The following DNAH14 variants were observed in gnomAD, a reference collection of about 807,000 sequenced individuals.
DNAH14 encodes the protein axonemal beta dynein heavy chain 14.
DNAH14 carries 478 observed loss-of-function variants against 520.9 expected under a neutral mutation model. The observed-to-expected ratio is 0.92, with a 90% confidence interval of 0.85 to 0.99. The LOEUF is 0.99. Among genes scored for constraint, DNAH14 ranks in the 50% least tolerant of loss-of-function variants. The pLI is 0.00. For missense variants in DNAH14, 4,831 were observed against 5,234.5 expected (o/e 0.92, Z 2.38); for synonymous variants, 1,581 against 1,757.2 (o/e 0.90, Z 2.51).
At chr1:225,312,076 G>C (rs1462390622) in intron 60 of DNAH14, among the ~76,000 whole-genome samples, 1 of 152,148 alleles carries the variant, frequency 6.6e-6, no homozygotes, top group Non-Finnish European at 1.5e-5. Context: ...TCCTATCCAT[G>C]AGCATGGAAT....
At chr1:225,048,575 T>C (rs577384013) in intron 15 of DNAH14, among the ~76,000 whole-genome samples, 1 of 152,342 alleles carries the variant, frequency 6.6e-6, no homozygotes, top group South Asian at 2.1e-4. Flanking sequence ...TGCTATGCTG[T>C]ATTCAACTGT....
At chr1:225,359,085 A>G (rs1168047819) in intron 74 of DNAH14, among the ~76,000 whole-genome samples, 1 of 152,222 alleles carries the variant, frequency 6.6e-6, no homozygotes, top group African/African-American at 2.4e-5. Context: ...ATCAGCCAAG[A>G]GATATGGAGA....
In DNAH14 at chr1:225,380,349, C is replaced by A. The variant is rs184198692; in HGVS notation, c.12880+27C>A. 2.0e-6 allele frequency: 3 copies of A among 1,537,054 alleles called. No homozygotes were observed. The East Asian group carries it at 7.4e-5, about 38-fold the overall frequency. On this transcript the variant is annotated intron_variant, in intron 80 of 85. Coordinates refer to ENST00000682510, the MANE Select transcript of DNAH14 (RefSeq NM_001367479.1). ...TGAGCATGGGACAGGAGCTTTTTCCCCTTACCTCACTCTCCTCAAGAAAGG... is the reference window on the plus strand; with the variant it reads ...TGAGCATGGGACAGGAGCTTTTTCCACTTACCTCACTCTCCTCAAGAAAGG...
In DNAH14 at chr1:225,127,868, A is replaced by G. The variant is rs928405941; in HGVS notation, c.4254+4254A>G. ...GTAACAGTTGTTCCTTTCCATGTTT[A>G]GTGCTTCCTTCAGGAGCTCTTTTAG... On this transcript the variant is annotated intron_variant, in intron 27 of 85. Transcript: ENST00000682510. Among the ~76,000 whole-genome samples, 7 of 152,248 alleles carry G rather than the reference A, an allele frequency of 4.6e-5. No homozygotes were observed. In the East Asian group the frequency reaches 1.4e-3, roughly 29 times the overall value.
intron 8 of DNAH14, among the ~76,000 whole-genome samples, chr1:224,990,122 A>G (rs534108036): frequency 1.3e-5 from 2 of 151,790 alleles, no homozygotes; most frequent in Non-Finnish European, 2.9e-5. Flanking sequence ...AGATTGTTGT[A>G]GATTGGTGTC....
rs1488376287 is a variant in DNAH14, at chr1:225,368,323, AT to A, written c.12318+292del. 4.6e-5 allele frequency among the ~76,000 whole-genome samples: 7 copies of A among 152,346 alleles called. No individual in the cohort carries two copies. The East Asian group carries it at 1.3e-3, about 29-fold the overall frequency. On this transcript the variant is annotated intron_variant, in intron 77 of 85. Coordinates refer to ENST00000682510, the MANE Select transcript of DNAH14 (RefSeq NM_001367479.1). The stretch of plus-strand genomic sequence containing the variant: ...AAGAAAGCAAACTGAGGGAGACCAA[AT>A]GTCAGTACTGACTCCAGAGGATCAT...
At chr1:225,208,068 C>A (rs892624521) in intron 41 of DNAH14, among the ~76,000 whole-genome samples, 1 of 152,120 alleles carries the variant, frequency 6.6e-6, no homozygotes, top group Non-Finnish European at 1.5e-5. Context: ...CTGCCACCCC[C>A]CTTCAAATCT....
At chr1:224,970,189 G>T (rs1369685246) in intron 7 of DNAH14, among the ~76,000 whole-genome samples, 1 of 152,044 alleles carries the variant, frequency 6.6e-6, no homozygotes, top group Non-Finnish European at 1.5e-5. Flanking sequence ...TCGGGGGGCG[G>T]CTGTATTTTA....
At chr1:224,963,970 G>A (rs938851570) in intron 4 of DNAH14, among the ~76,000 whole-genome samples, 6 of 152,110 alleles carry the variant, frequency 3.9e-5, no homozygotes, top group Admixed American at 2.0e-4. Context: ...AAGTTTAAGG[G>A]CCAGGAGGAC....
chr1:225,101,537 C>T (rs2075456505), intron 23 of DNAH14, among the ~76,000 whole-genome samples: 1 of 152,120 alleles, frequency 6.6e-6, no homozygotes, highest in South Asian at 2.1e-4. Flanking sequence ...TGGTTATTAT[C>T]CTTCTACTGT....
At position 225,271,963 on chromosome 1, in the gene DNAH14, A is replaced by C. The variant is rs1288356088; in HGVS notation, c.7729A>C (p.Lys2577Gln). 1 of 1,550,424 alleles carries C rather than the reference A, an allele frequency of 6.4e-7. No homozygotes were observed. Among genetic ancestry groups the C allele is most frequent in the African/African-American group, 1.4e-5 (1 of 73,018 alleles). Residue 2577 changes from lysine to glutamine, a missense_variant, in exon 51 of 86, where the codon AAG (lysine) becomes CAG (glutamine). Transcript: ENST00000682510. ...CTTCACACCTGAAGTTCAGAAAAGTAAGGATCAGATAATATCTTGTTCCCT... is the reference window on the plus strand; with the variant it reads ...CTTCACACCTGAAGTTCAGAAAAGTCAGGATCAGATAATATCTTGTTCCCT... ...NNFTPEVQKS[K>Q]DQIISCSLAI...
intron 8 of DNAH14, among the ~76,000 whole-genome samples, chr1:225,001,719 C>T (rs1289780289): frequency 1.3e-5 from 2 of 152,026 alleles, no homozygotes; most frequent in South Asian, 2.1e-4. Context: ...TTATTATTAC[C>T]TAAATTTTGA....
rs1447443162 is a variant in DNAH14 at position 225,119,251 on chromosome 1, T to C, written c.4123T>C (p.Trp1375Arg). 1 of 1,528,168 alleles carries C rather than the reference T, an allele frequency of 6.5e-7. No individual in the cohort carries two copies. The highest frequency in any genetic ancestry group is 2.5e-5 in the East Asian group (1 of 40,150). 94.7% of individuals were successfully genotyped at this position (1,528,168 alleles called of 1,614,324 possible). Residue 1375 changes from tryptophan (W) to arginine (R), a missense_variant, in exon 26 of 86, where the codon TGG becomes CGG. Trp to Arg is a moderately radical substitution (Grantham distance 101). Coordinates refer to ENST00000682510, the MANE Select transcript of DNAH14 (RefSeq NM_001367479.1). Reference sequence around the variant, plus strand: ...TCGTGTAAGAAGTGCTGTAGAACAGTGGCTGGTAAATGTAGAAAAAAGCAT... The same window carrying C: ...TCGTGTAAGAAGTGCTGTAGAACAGCGGCTGGTAAATGTAGAAAAAAGCAT... ...KIRVRSAVEQ[W>R]LVNVEKSMFD...
chr1:225,086,990 CCACACACACACACACACA>C (rs57900981), intron 21 of DNAH14, among the ~76,000 whole-genome samples: 21 of 146,872 alleles, frequency 1.4e-4, no homozygotes, highest in African/African-American at 5.4e-4. Flanking sequence ...GAAAAGAACA[CCACACACACACACACACA>C]CACACACACA....
At chr1:225,335,942 T>C (rs571218925) in intron 66 of DNAH14, among the ~76,000 whole-genome samples, 1 of 118,604 alleles carries the variant, frequency 8.4e-6, no homozygotes, top group Non-Finnish European at 1.9e-5. Flanking sequence ...TATATATACA[T>C]ATATGTATAT....
intron 17 of DNAH14, among the ~76,000 whole-genome samples, chr1:225,073,883 A>G (rs1480438048): frequency 6.7e-6 from 1 of 148,842 alleles, no homozygotes; most frequent in Non-Finnish European, 1.5e-5. Context: ...GGCTTTCACC[A>G]TGTTGGCCAA....
chr1:224,941,427 T>C (rs1397417528), intron 1 of DNAH14, among the ~76,000 whole-genome samples: 1 of 152,236 alleles, frequency 6.6e-6, no homozygotes, highest in Non-Finnish European at 1.5e-5. Flanking sequence ...TAGCCCTTTG[T>C]CAGATGAGTA....
rs548713885 is a variant in DNAH14, at chr1:225,017,421, C to T, written c.1108-6194C>T. Among the ~76,000 whole-genome samples the T allele has an allele frequency of 3.3e-5, 5 of 152,358 alleles. No individual in the cohort carries two copies. In the East Asian group the frequency reaches 5.8e-4, roughly 18 times the overall value. ...GTCTGCTGTTGCCAGCAGCCACTGC[C>T]ATTGTGCTTTCTCATGAGGCTCCTG... On this transcript the variant is annotated intron_variant, in intron 10 of 85. Transcript: ENST00000682510.
chr1:225,254,475 T>C (rs550319677), intron 44 of DNAH14, among the ~76,000 whole-genome samples: 1 of 152,278 alleles, frequency 6.6e-6, no homozygotes, highest in East Asian at 1.9e-4. Context: ...TTGTTAGCTG[T>C]GATATCTGGG....
Sources: allele counts gnomAD v4.1 joint callset (sites outside exome capture counted in the v4.1 genomes callset), GRCh38; gene constraint gnomAD v4.1.1; transcripts MANE v1.5; gene names NCBI Gene and HGNC (gene_info 2026-07-23, HGNC 2026-07-21).